SLC25A24: variants seen among roughly 807,000 people sequenced by gnomAD.
SLC25A24 encodes the protein mitochondrial adenyl nucleotide antiporter SLC25A24.
Under a neutral mutation model 60.7 loss-of-function variants are expected in SLC25A24, and 49 were observed. The observed-to-expected ratio is 0.81, with a 90% CI of 0.64 to 1.02. SLC25A24 has a LOEUF of 1.02. Among genes scored for constraint, SLC25A24 ranks in the 50% least tolerant of loss-of-function variants. The pLI, the probability that SLC25A24 is intolerant of heterozygous loss-of-function variation, is 0.00. For synonymous variants in SLC25A24, 202 were observed against 200.6 expected (o/e 1.01, Z -0.06); for missense variants, 564 against 586.3 (o/e 0.96, Z 0.39).
intron 4 of SLC25A24, among the ~76,000 whole-genome samples, chr1:108,160,818 T>A (rs1166308798): frequency 6.6e-6 from 1 of 152,096 alleles, no homozygotes; most frequent in Non-Finnish European, 1.5e-5. Context: ...GGCGTGGCGG[T>A]GCGCGCCTGC....
intron 3 of SLC25A24, 99 bp from the exon 4 acceptor site, chr1:108,161,392 A>C (rs1211891515): frequency 1.4e-6 from 1 of 690,048 alleles, no homozygotes; most frequent in Non-Finnish European, 2.5e-6. Context: ...TTTCTAACAT[A>C]ATATTCTCAT....
At chr1:108,185,142 C>T (rs190795024) in intron 2 of SLC25A24, among the ~76,000 whole-genome samples, 23 of 152,248 alleles carry the variant, frequency 1.5e-4, no homozygotes, top group African/African-American at 5.5e-4. Context: ...GAGGCCCTCA[C>T]CAGATTCGGC....
Position 108,143,583 on chromosome 1 carries a change from C to T in SLC25A24, c.1058G>A (p.Gly353Asp), listed in dbSNP as rs1332411344. 3.1e-6 allele frequency: 5 copies of T among 1,613,614 alleles called. No individual in the cohort carries two copies. In the African/African-American group the frequency reaches 5.3e-5, roughly 17 times the overall value. Residue 353 changes from glycine to aspartate, a missense_variant, in exon 8 of 10, where the codon GGT becomes GAT. Physicochemically the swap from Gly to Asp is moderately conservative, Grantham distance 94. Coordinates refer to ENST00000565488, the MANE Select transcript of SLC25A24 (RefSeq NM_013386.5). ...FYKGYVPNLL[G>D]IIPYAGIDLA... is the part of the protein sequence containing the mutation. ...ATCTATGCCTGCATAAGGTATGATACCTAATAAATTGGGAACATAGCCTTT... is the reference window on the plus strand; with the variant it reads ...ATCTATGCCTGCATAAGGTATGATATCTAATAAATTGGGAACATAGCCTTT...
chr1:108,163,478 T>C (rs2101620876), intron 3 of SLC25A24, among the ~76,000 whole-genome samples: 1 of 151,190 alleles, frequency 6.6e-6, no homozygotes, highest in East Asian at 2.0e-4. Context: ...CATTAAGCAG[T>C]GGTTTGCAGT....
intron 7 of SLC25A24, among the ~76,000 whole-genome samples, chr1:108,146,778 G>T (rs1679605918): frequency 6.6e-6 from 1 of 152,158 alleles, no homozygotes; most frequent in East Asian, 1.9e-4. Flanking sequence ...CTTGATCATG[G>T]TGGATAAACT....
intron 4 of SLC25A24, 22 bp downstream of exon 4, chr1:108,161,160 T>A (rs1423892232): frequency 7.9e-7 from 1 of 1,259,118 alleles, no homozygotes; most frequent in African/African-American, 1.5e-5. Flanking sequence ...CAAATAAGTA[T>A]AAATACATAA....
rs113381021 is a variant in SLC25A24, at chr1:108,174,722, G to T, written c.398+7219C>A. ...GGGTCTGTACCCTGAAAAGCCACAG[G>T]AGTGCAGATGCCCAAGGCCATGGGA... On this transcript the variant is annotated intron_variant, in intron 3 of 9. Transcript: ENST00000565488. Among the ~76,000 whole-genome samples the T allele has an allele frequency of 5.5e-3, 832 of 152,292 alleles. 6 individuals carry two copies. Among genetic ancestry groups the T allele is most frequent in the African/African-American group, 0.02 (814 of 41,554 alleles).
At chr1:108,199,554 C>T in intron 1 of SLC25A24, 1 of 313,676 alleles carries the variant, frequency 3.2e-6, no homozygotes, top group Non-Finnish European at 5.8e-6. Context: ...CGAAAGAGAT[C>T]GAATGTGTGC....
At chr1:108,159,513 A>G (rs1571289233) in intron 4 of SLC25A24, among the ~76,000 whole-genome samples, 1 of 128,006 alleles carries the variant, frequency 7.8e-6, no homozygotes, top group Non-Finnish European at 1.6e-5. Flanking sequence ...TTTCTCGCAG[A>G]GGGGGATTTG....
intron 3 of SLC25A24, among the ~76,000 whole-genome samples, chr1:108,167,930 G>A (rs1186210355): frequency 6.6e-6 from 1 of 152,122 alleles, no homozygotes; most frequent in Admixed American, 6.5e-5. Context: ...AATGCCATTT[G>A]TATCTGTTTT....
intron 3 of SLC25A24, among the ~76,000 whole-genome samples, chr1:108,177,399 C>T (rs1170818351): frequency 1.3e-5 from 2 of 152,038 alleles, no homozygotes; most frequent in Non-Finnish European, 2.9e-5. Context: ...AATGGTAGTA[C>T]AAAGTCCTTA....
chr1:108,142,952 T>C (rs1009597167), intron 8 of SLC25A24, among the ~76,000 whole-genome samples: 1 of 152,152 alleles, frequency 6.6e-6, no homozygotes, highest in African/African-American at 2.4e-5. Flanking sequence ...GGTCTCATCC[T>C]AACATGCACC....
intron 1 of SLC25A24, among the ~76,000 whole-genome samples, chr1:108,187,077 C>CAAAA (rs3043344): frequency 7.2e-6 from 1 of 139,688 alleles, no homozygotes. Context: ...AACTCTATCT[C>CAAAA]AAAAAAAAAA....
rs1384627068 is a variant in SLC25A24 at position 108,135,832 on chromosome 1, T to C, written c.*821A>G. On this transcript the variant is annotated 3_prime_UTR_variant, in exon 10 of 10. Coordinates refer to ENST00000565488, the MANE Select transcript of SLC25A24 (RefSeq NM_013386.5). Reference sequence around the variant, plus strand: ...AAGTCTTCCTGACTAAAACGGAATCTGATTCAAAAGGTAGGAAACAAAGGA... The same window carrying C: ...AAGTCTTCCTGACTAAAACGGAATCCGATTCAAAAGGTAGGAAACAAAGGA... The C allele has an allele frequency of 1.3e-5, 2 of 152,598 alleles. No homozygotes were observed. Among genetic ancestry groups the C allele is most frequent in the Non-Finnish European group, 2.9e-5 (2 of 68,040 alleles). The allele number at this position is 152,598 out of a possible 1,614,324, so 9.5% of individuals were successfully genotyped here.
chr1:108,143,815 A>G, intron 7 of SLC25A24, 105 bp from the exon 8 acceptor site: 1 of 824,070 alleles, frequency 1.2e-6, no homozygotes, highest in Non-Finnish European at 1.9e-6. Flanking sequence ...ACATATTGTC[A>G]CTCAAAAGAC....
At position 108,148,282 on chromosome 1, in the gene SLC25A24, C is replaced by G. The variant is rs1679661159; in HGVS notation, c.927G>C (p.Met309Ile). 6.4e-7 allele frequency: 1 copy of G among 1,569,000 alleles called. No individual in the cohort carries two copies. Among genetic ancestry groups the G allele is most frequent in the African/African-American group, 1.4e-5 (1 of 74,048 alleles). The change falls in exon 7 of 10, where the codon ATG becomes ATC. Residue 309 changes from methionine (M) to isoleucine (I), a missense_variant. By Grantham distance (10) the Met-to-Ile change is conservative. Coordinates refer to ENST00000565488, the MANE Select transcript of SLC25A24 (RefSeq NM_013386.5). ...GATAQTFIYP[M>I]EVMKTRLAVG... ...CAGACTTGACAATGGTACTCACCTC[C>G]ATTGGATATATAAAAGTCTGTGCAG...
chr1:108,175,396 T>C lies in SLC25A24; in HGVS notation c.398+6545A>G, dbSNP rs983351009. Among the ~76,000 whole-genome samples the C allele has an allele frequency of 2.0e-5, 3 of 152,356 alleles. No homozygotes were observed. In the South Asian group the frequency reaches 6.2e-4, roughly 32 times the overall value. The stretch of plus-strand genomic sequence containing the variant: ...CCTTCCACCATGATTGTAAGTTTCC[T>C]GAGGGCTCCTCAGCCAAGCAAAAGT... On this transcript the variant is annotated intron_variant, in intron 3 of 9. Transcript: ENST00000565488.
rs765312801 is a variant in SLC25A24 at position 108,180,364 on chromosome 1, C to CA, written c.398+1576dup. 9.1e-3 allele frequency among the ~76,000 whole-genome samples: 1,204 copies of CA among 131,992 alleles called. 11 individuals are homozygous for CA. Among genetic ancestry groups the CA allele is most frequent in the South Asian group, 0.026 (104 of 4,068 alleles). 86.6% of individuals were successfully genotyped at this position (131,992 alleles called of 152,430 possible). On this transcript the variant is annotated intron_variant, in intron 3 of 9. Transcript: ENST00000565488. ...TGGGCAACAGAGCTAGACTCCATCT[C>CA]AAAAAAAAAAAAAAGTTACCATAAA... is the stretch of plus-strand genomic sequence containing the variant.
chr1:108,175,046 A>G (rs1647620502), intron 3 of SLC25A24, among the ~76,000 whole-genome samples: 1 of 152,214 alleles, frequency 6.6e-6, no homozygotes, highest in Non-Finnish European at 1.5e-5. Context: ...GAATGAGTTA[A>G]GACGCTGAGG....
Sources: allele counts gnomAD v4.1 joint callset (sites outside exome capture counted in the v4.1 genomes callset), GRCh38; gene constraint gnomAD v4.1.1; transcripts MANE v1.5; gene names NCBI Gene and HGNC (gene_info 2026-07-23, HGNC 2026-07-21).